The following NF1 variants were observed in gnomAD, a reference collection of about 807,000 sequenced individuals.
The protein encoded by NF1 is neurofibromin.
Under a neutral mutation model 325.7 loss-of-function variants are expected in NF1, and 122 were observed. The observed-to-expected ratio is 0.37, with a 90% CI of 0.32 to 0.44. The LOEUF (loss-of-function observed/expected upper bound fraction) is 0.44. Among genes scored for constraint, NF1 ranks in the 20% least tolerant of loss-of-function variants. NF1 has a pLI of 1.00. For missense variants in NF1, 2,140 were observed against 3,415.4 expected (o/e 0.63, Z 9.31); for synonymous variants, 1,091 against 1,186.0 (o/e 0.92, Z 1.65).
chr17:31,304,538 G>C, intron 36 of NF1: 1 of 1,614,184 alleles, frequency 6.2e-7, no homozygotes, highest in Non-Finnish European at 8.5e-7. Context: ...GTCATTGTGG[G>C]TTTGTCAGAT....
chr17:31,143,800 CT>C (rs1916397987), intron 1 of NF1, among the ~76,000 whole-genome samples: 1 of 151,744 alleles, frequency 6.6e-6, no homozygotes, highest in Admixed American at 6.6e-5. Context: ...GTCTCTTGTT[CT>C]TGTTTTTCTT....
chr17:31,252,176 A>C (rs1260837599), intron 30 of NF1: 1 of 214,088 alleles, frequency 4.7e-6, no homozygotes, highest in Non-Finnish European at 9.3e-6. Flanking sequence ...TAATATGTGA[A>C]AAGTTTTAAG....
At chr17:31,220,348 G>A (rs886385412) in intron 14 of NF1, among the ~76,000 whole-genome samples, 4 of 152,062 alleles carry the variant, frequency 2.6e-5, no homozygotes, top group Non-Finnish European at 4.4e-5. Flanking sequence ...TATTGGTCCC[G>A]TAAATTGATA....
chr17:31,314,751 G>C (rs1022520224), intron 36 of NF1, among the ~76,000 whole-genome samples: 1 of 152,122 alleles, frequency 6.6e-6, no homozygotes, highest in African/African-American at 2.4e-5. Context: ...GTTGTGAATA[G>C]TGTTACAACA....
chr17:31,165,075 A>C (rs2065823058), intron 4 of NF1, among the ~76,000 whole-genome samples: 2 of 152,186 alleles, frequency 1.3e-5, no homozygotes. Flanking sequence ...AAAGTGGTAC[A>C]AAAAAACCCA....
intron 36 of NF1, among the ~76,000 whole-genome samples, chr17:31,279,586 C>CT (rs1053775104): frequency 2.1e-5 from 3 of 142,210 alleles, no homozygotes; most frequent in Non-Finnish European, 4.6e-5. Context: ...ATTCCAGCCT[C>CT]TTTAAAAAAA....
At chr17:31,184,111 A>G (rs2066187963) in intron 8 of NF1, among the ~76,000 whole-genome samples, 1 of 152,140 alleles carries the variant, frequency 6.6e-6, no homozygotes, top group African/African-American at 2.4e-5. Flanking sequence ...TTGCTGCTTA[A>G]TATGATTAGA....
rs576156082 is a variant in NF1 at position 31,350,515 on chromosome 17, G to A, written c.7457+197G>A. Among the ~76,000 whole-genome samples, 4 of 152,264 alleles carry A rather than the reference G, an allele frequency of 2.6e-5. No homozygotes were observed. In the East Asian group the frequency reaches 5.8e-4, roughly 22 times the overall value. On this transcript the variant is annotated intron_variant, in intron 50 of 57. Transcript: ENST00000358273. Reference sequence around the variant, plus strand: ...AGTAGGAAAGTTATTCTTCCAGTCTGATTGTGCTAATGTTAACATTAGTTT... The same window carrying A: ...AGTAGGAAAGTTATTCTTCCAGTCTAATTGTGCTAATGTTAACATTAGTTT...
At chr17:31,351,877 A>T (rs1361120299) in intron 50 of NF1, among the ~76,000 whole-genome samples, 1 of 150,618 alleles carries the variant, frequency 6.6e-6, no homozygotes, top group African/African-American at 2.4e-5. Context: ...TTTTTTTTTA[A>T]GCTCATCAAC....
At position 31,356,550 on chromosome 17, in the gene NF1, TGAG is replaced by T; in HGVS notation, c.7710_7712del (p.Arg2571del). 6.2e-7 allele frequency: 1 copy of T among 1,613,610 alleles called. No homozygotes were observed. The highest frequency in any genetic ancestry group is 8.5e-7 in the Non-Finnish European group (1 of 1,179,760). On this transcript the variant is annotated inframe_deletion, in exon 52 of 58. Coordinates refer to ENST00000358273, the MANE Select transcript of NF1 (RefSeq NM_001042492.3). Reference sequence around the variant, plus strand: ...TCAGGGATCACAACACCCCCCAAAATGAGGAGAGTAGCAGAAACTGATTATGAA... The same window carrying T: ...TCAGGGATCACAACACCCCCCAAAATGAGAGTAGCAGAAACTGATTATGAA...
chr17:31,248,061 G>A (rs1160826783), intron 29 of NF1, among the ~76,000 whole-genome samples: 1 of 152,090 alleles, frequency 6.6e-6, no homozygotes, highest in African/African-American at 2.4e-5. Flanking sequence ...AATTAGCCGG[G>A]CGTGGTGGCC....
At chr17:31,249,848 T>C (rs1165664611) in intron 30 of NF1, 1 of 418,740 alleles carries the variant, frequency 2.4e-6, no homozygotes, top group African/African-American at 2.1e-5. Flanking sequence ...TTTTGGAAAC[T>C]GTGATTCTGG....
intron 1 of NF1, among the ~76,000 whole-genome samples, chr17:31,123,922 G>C (rs1286799357): frequency 1.3e-5 from 2 of 152,074 alleles, no homozygotes; most frequent in African/African-American, 4.8e-5. Context: ...ATATGTTTAT[G>C]TGTTAGGGGG....
intron 31 of NF1, 192 bp downstream of exon 31, chr17:31,253,192 C>G (rs1165910646): frequency 3.5e-6 from 2 of 572,074 alleles, no homozygotes; most frequent in African/African-American, 3.7e-5. Flanking sequence ...CTCTGTGTTC[C>G]TTTGGTTTGA....
At position 31,155,860 on chromosome 17, in the gene NF1, G is replaced by A. The variant is rs2269855; in HGVS notation, c.61-123G>A. On this transcript the variant is annotated intron_variant, in intron 1 of 57. Transcript: ENST00000358273. Reference sequence around the variant, plus strand: ...TTGAAAATCGGAGTTTGAGATGCAAGTATAGGTATCTGTGGTTGATGCAGT... The same window carrying A: ...TTGAAAATCGGAGTTTGAGATGCAAATATAGGTATCTGTGGTTGATGCAGT... The A allele has an allele frequency of 0.66, 729,093 of 1,102,578 alleles. 247,481 individuals are homozygous for A. The highest frequency in any genetic ancestry group is 0.76 in the Middle Eastern group (2,706 of 3,554). 68.3% of individuals were successfully genotyped at this position (1,102,578 alleles called of 1,614,324 possible). A position where few individuals can be genotyped will look rare whatever the true frequency, so the allele number is the denominator to read the frequency against.
intron 13 of NF1, among the ~76,000 whole-genome samples, chr17:31,217,137 A>G (rs1326971847): frequency 1.3e-5 from 2 of 152,204 alleles, no homozygotes; most frequent in African/African-American, 4.8e-5. Context: ...TGTCTTTGGC[A>G]TTCAATAAAA....
chr17:31,367,080 A>T, intron 57 of NF1: 1 of 249,922 alleles, frequency 4.0e-6, no homozygotes, highest in Non-Finnish European at 7.7e-6. Context: ...TTAGGAAATT[A>T]ATGGTCAGAA....
chr17:31,296,002 GT>G, intron 36 of NF1: 1 of 1,614,120 alleles, frequency 6.2e-7, no homozygotes, highest in Non-Finnish European at 8.5e-7. Context: ...GAAGTTTAAT[GT>G]TGTTGTTAGC....
intron 8 of NF1, among the ~76,000 whole-genome samples, chr17:31,193,097 G>T (rs1203488816): frequency 3.3e-5 from 5 of 152,186 alleles, no homozygotes; most frequent in Admixed American, 6.5e-5. Flanking sequence ...GAGATAGACA[G>T]ATAGGTATAT....
Sources: gnomAD v4.1 joint callset for allele counts (sites outside exome capture counted in the v4.1 genomes callset) on GRCh38, gnomAD v4.1.1 for gene constraint, MANE v1.5 for transcripts, NCBI Gene and HGNC (gene_info 2026-07-23, HGNC 2026-07-21) for gene names.